HES1: variants seen among roughly 807,000 people sequenced by gnomAD.
The protein encoded by HES1 is hes family bHLH transcription factor 1, also known as transcription factor HES-1.
HES1 carries 7 observed loss-of-function variants against 21.0 expected under a neutral mutation model. The observed-to-expected ratio is 0.33, with a 90% CI of 0.19 to 0.63. The LOEUF (loss-of-function observed/expected upper bound fraction) is 0.63, where lower values mean the gene tolerates loss of function less well. HES1 is among the 20% of genes least tolerant of loss of function. The pLI, the probability that HES1 is intolerant of heterozygous loss-of-function variation, is 0.78. For synonymous variants in HES1, 169 were observed against 171.2 expected (o/e 0.99, Z 0.10); for missense variants, 338 against 389.8 (o/e 0.87, Z 1.12).
rs144918671 is a variant in HES1, at chr3:194,137,858, C to A, written c.468C>A (p.Pro156=). The A allele has an allele frequency of 3.3e-5, 50 of 1,535,206 alleles. No individual in the cohort carries two copies. The highest frequency in any genetic ancestry group is 4.4e-5 in the Non-Finnish European group (50 of 1,138,724). The change falls in exon 4 of 4, where the codon CCC becomes CCA. Residue 156 remains proline, a synonymous_variant. Transcript: ENST00000232424. This position sits in a 1 kb window ranked among gnomAD's most constrained non-coding sequence, Gnocchi z 5.4. The part of the protein sequence containing the change: ...CMTQINAMTY[P]GQPHPALQAP... ...CCCAGATCAATGCCATGACCTACCC[C>A]GGGCAGCCGCACCCCGCCTTGCAGG...
At position 194,138,075 on chromosome 3, in the gene HES1, T is replaced by G. The variant is rs1318098958; in HGVS notation, c.685T>G (p.Phe229Val). 13 of 1,610,414 alleles carry G rather than the reference T, an allele frequency of 8.1e-6. No homozygotes were observed. Among genetic ancestry groups the G allele is most frequent in the Non-Finnish European group, 1.1e-5 (13 of 1,178,820 alleles). Residue 229 changes from phenylalanine (F) to valine (V), a missense_variant, in exon 4 of 4, where the codon TTT becomes GTT. Physicochemically the swap from Phe to Val is conservative, Grantham distance 50. Coordinates refer to ENST00000232424, the MANE Select transcript of HES1 (RefSeq NM_005524.4). ...FQVVPAPDGQFAFLIPNGAFA... is the reference protein window; with the variant it reads ...FQVVPAPDGQVAFLIPNGAFA... The stretch of plus-strand genomic sequence containing the variant: ...GGTGGTACCGGCTCCCGATGGCCAG[T>G]TTGCTTTCCTCATTCCCAACGGGGC...
At position 194,137,159 on chromosome 3, in the gene HES1, C is replaced by T. The variant is rs1576926182; in HGVS notation, c.292+111C>T. On this transcript the variant is annotated intron_variant, in intron 3 of 3. Coordinates refer to ENST00000232424, the MANE Select transcript of HES1 (RefSeq NM_005524.4). This position sits in a 1 kb window ranked among gnomAD's most constrained non-coding sequence, Gnocchi z 5.4. ...GAGGCATTCAGCTACATTTTACTGCCTTGGCTCACTCTTGCGTTCCCACGG... is the reference window on the plus strand; with the variant it reads ...GAGGCATTCAGCTACATTTTACTGCTTTGGCTCACTCTTGCGTTCCCACGG... 7 of 871,812 alleles carry T rather than the reference C, an allele frequency of 8.0e-6. No individual in the cohort carries two copies. The highest frequency in any genetic ancestry group is 3.1e-4 in the Middle Eastern group (1 of 3,182). The allele number at this position is 871,812 out of a possible 1,614,324, so 54.0% of individuals were successfully genotyped here.
At chr3:194,136,862 A>C in intron 2 of HES1, 99 bp from the exon 3 acceptor site, 8 of 1,403,694 alleles carry the variant, frequency 5.7e-6, no homozygotes, top group Non-Finnish European at 8.1e-6. Flanking sequence ...GCTGGGGTCC[A>C]GAGATAATGC....
rs368744295 is a variant in HES1, at chr3:194,137,604, C to G, written c.293-79C>G. The G allele has an allele frequency of 6.3e-6, 9 of 1,423,914 alleles. No homozygotes were observed. The African/African-American group carries it at 1.3e-4, about 20-fold the overall frequency. 88.2% of individuals were successfully genotyped at this position (1,423,914 alleles called of 1,614,324 possible). A position where few individuals can be genotyped will look rare whatever the true frequency, so the allele number is the denominator to read the frequency against. ...GGCGCATGGTCAGGGAGGCGCGCCA[C>G]AGGGACCTCCCAGGGCGGAGGCAGT... On this transcript the variant is annotated intron_variant, in intron 3 of 3. Transcript: ENST00000232424. This position sits in a 1 kb window ranked among gnomAD's most constrained non-coding sequence, Gnocchi z 5.4.
rs1241656241 is a variant in HES1, at chr3:194,137,850, A to G, written c.460A>G (p.Thr154Ala). 4 of 1,568,392 alleles carry G rather than the reference A, an allele frequency of 2.6e-6. No individual in the cohort carries two copies. Among genetic ancestry groups the G allele is most frequent in the Non-Finnish European group, 3.5e-6 (4 of 1,157,110 alleles). Residue 154 changes from threonine (T) to alanine (A), a missense_variant, in exon 4 of 4, where the codon ACC (threonine) becomes GCC (alanine). Thr to Ala is a moderately conservative substitution (Grantham distance 58). Transcript: ENST00000232424. This position sits in a 1 kb window ranked among gnomAD's most constrained non-coding sequence, Gnocchi z 5.4. Reference protein sequence around the residue: ...ANCMTQINAMTYPGQPHPALQ... With the variant: ...ANCMTQINAMAYPGQPHPALQ... ...CTGCATGACCCAGATCAATGCCATG[A>G]CCTACCCCGGGCAGCCGCACCCCGC...
Position 194,136,602 on chromosome 3 carries a change from T to C in HES1, c.109-15T>C, listed in dbSNP as rs1044573708. 6 of 1,599,278 alleles carry C rather than the reference T, an allele frequency of 3.8e-6. No homozygotes were observed. The highest frequency in any genetic ancestry group is 5.1e-6 in the Non-Finnish European group (6 of 1,172,636). The stretch of plus-strand genomic sequence containing the variant: ...AGATTCCATGGGAACACAGAACTCT[T>C]TTTTTTATTTGCAGTCATCAAAGCC... On this transcript the variant is annotated splice_polypyrimidine_tract_variant and intron_variant, in intron 1 of 3. Coordinates refer to ENST00000232424, the MANE Select transcript of HES1 (RefSeq NM_005524.4).
At position 194,137,266 on chromosome 3, in the gene HES1, C is replaced by T. The variant is rs922878340; in HGVS notation, c.292+218C>T. 4.9e-6 allele frequency: 3 copies of T among 610,310 alleles called. No individual in the cohort carries two copies. Among genetic ancestry groups the T allele is most frequent in the Non-Finnish European group, 8.7e-6 (3 of 344,712 alleles). 37.8% of individuals were successfully genotyped at this position (610,310 alleles called of 1,614,324 possible). ...AAAGAGGTTGCAGCCGCGAGGGTGG[C>T]GGGCGCCGGGTAGGGGCGAAAGGAC... is the stretch of plus-strand genomic sequence containing the variant. On this transcript the variant is annotated intron_variant, in intron 3 of 3. Transcript: ENST00000232424. The surrounding 1 kb of genome is among the most constrained non-coding windows in gnomAD (Gnocchi z 5.4).
Position 194,138,354 on chromosome 3 carries a change from GTTTT to G in HES1, c.*125_*128del, listed in dbSNP as rs1246102733. 5.1e-5 allele frequency: 55 copies of G among 1,081,466 alleles called. No individual in the cohort carries two copies. Among genetic ancestry groups the G allele is most frequent in the Non-Finnish European group, 6.2e-5 (50 of 804,050 alleles). 67.0% of individuals were successfully genotyped at this position (1,081,466 alleles called of 1,614,324 possible). ...TTTTTTGATTAAGTGGTTACTTTGT[GTTTT>G]TTTAATTTCTAAGAAGTTACTTTTT... On this transcript the variant is annotated 3_prime_UTR_variant, in exon 4 of 4. Transcript: ENST00000232424.
Position 194,137,960 on chromosome 3 carries a change from CCCCGGGGGCGCGGCGCCCCCT to C in HES1, c.576_596del (p.Ala195_Ala201del), listed in dbSNP as rs748521811. 37 of 1,358,986 alleles carry C rather than the reference CCCCGGGGGCGCGGCGCCCCCT, an allele frequency of 2.7e-5. 1 individual carries two copies. Among genetic ancestry groups the C allele is most frequent in the Non-Finnish European group, 3.0e-5 (32 of 1,051,986 alleles). 84.2% of individuals were successfully genotyped at this position (1,358,986 alleles called of 1,614,324 possible). A position where few individuals can be genotyped will look rare whatever the true frequency, so the allele number is the denominator to read the frequency against. ...CGCCGCCGCCGCCACTCGTGCCCAT[CCCCGGGGGCGCGGCGCCCCCT>C]CCCGGCGGCGCCCCCTGCAAGCTGG... On this transcript the variant is annotated inframe_deletion, in exon 4 of 4. Coordinates refer to ENST00000232424, the MANE Select transcript of HES1 (RefSeq NM_005524.4). The surrounding 1 kb of genome is among the most constrained non-coding windows in gnomAD (Gnocchi z 5.4).
In HES1 at chr3:194,137,591, G is replaced by A; in HGVS notation, c.293-92G>A. 1 of 1,368,920 alleles carries A rather than the reference G, an allele frequency of 7.3e-7. No individual in the cohort carries two copies. The highest frequency in any genetic ancestry group is 9.7e-7 in the Non-Finnish European group (1 of 1,027,714). 84.8% of individuals were successfully genotyped at this position (1,368,920 alleles called of 1,614,324 possible). ...AGGCAGTTTCACGGGCGCATGGTCA[G>A]GGAGGCGCGCCACAGGGACCTCCCA... On this transcript the variant is annotated intron_variant, in intron 3 of 3. Transcript: ENST00000232424. This position sits in a 1 kb window ranked among gnomAD's most constrained non-coding sequence, Gnocchi z 5.4.
chr3:194,136,841 C>G, intron 2 of HES1, 120 bp from the exon 3 acceptor site: 1 of 1,374,226 alleles, frequency 7.3e-7, no homozygotes, highest in South Asian at 1.2e-5. Context: ...CGGGAGGGCC[C>G]GGCCTTATTC....
rs911297377 is a variant in HES1 at position 194,137,763 on chromosome 3, C to T, written c.373C>T (p.Leu125=). The change falls in exon 4 of 4, where the codon CTG becomes TTG. Residue 125 remains leucine, a synonymous_variant. Transcript: ENST00000232424. The surrounding 1 kb of genome is among the most constrained non-coding windows in gnomAD (Gnocchi z 5.4). ...GTGCATGAACGAGGTGACCCGCTTC[C>T]TGTCCACGTGCGAGGGCGTTAATAC... ...SECMNEVTRF[L]STCEGVNTEV... 6.2e-7 allele frequency: 1 copy of T among 1,613,912 alleles called. No homozygotes were observed. Among genetic ancestry groups the T allele is most frequent in the Non-Finnish European group, 8.5e-7 (1 of 1,179,948 alleles).
Position 194,138,693 on chromosome 3 carries a change from T to C in HES1, c.*460T>C, listed in dbSNP as rs534697548. 2 of 152,978 alleles carry C rather than the reference T, an allele frequency of 1.3e-5. No individual in the cohort carries two copies. Among genetic ancestry groups the C allele is most frequent in the South Asian group, 4.1e-4 (2 of 4,838 alleles). 9.5% of individuals were successfully genotyped at this position (152,978 alleles called of 1,614,324 possible). A position where few individuals can be genotyped will look rare whatever the true frequency, so the allele number is the denominator to read the frequency against. On this transcript the variant is annotated 3_prime_UTR_variant, in exon 4 of 4. Coordinates refer to ENST00000232424, the MANE Select transcript of HES1 (RefSeq NM_005524.4). ...TTACATGTAATTGGTAATTCAGGAA[T>C]TGACTCTTTTGTTATTAAAAGAACA... is the stretch of plus-strand genomic sequence containing the variant.
At position 194,137,395 on chromosome 3, in the gene HES1, G is replaced by A; in HGVS notation, c.293-288G>A. ...ATGAGGCTTGGATGATGGATTGGGA[G>A]GCATTGTCCAAGGTCACATCGCGCG... On this transcript the variant is annotated intron_variant, in intron 3 of 3. Transcript: ENST00000232424. The surrounding 1 kb of genome is among the most constrained non-coding windows in gnomAD (Gnocchi z 5.4). The A allele has an allele frequency of 1.7e-6, 1 of 571,566 alleles. No homozygotes were observed. The highest frequency in any genetic ancestry group is 3.1e-6 in the Non-Finnish European group (1 of 320,678). The allele number at this position is 571,566 out of a possible 1,614,324, so 35.4% of individuals were successfully genotyped here. A position where few individuals can be genotyped will look rare whatever the true frequency, so the allele number is the denominator to read the frequency against.
In HES1 at chr3:194,136,952, T is replaced by C. The variant is rs749484323; in HGVS notation, c.205-9T>C. ...GGGCTCACTTTCCTTTCTTGCCTAC[T>C]CTATGCAGAGCTCGCGGCATTCCAA... On this transcript the variant is annotated splice_polypyrimidine_tract_variant and intron_variant, in intron 2 of 3. Coordinates refer to ENST00000232424, the MANE Select transcript of HES1 (RefSeq NM_005524.4). 9.3e-6 allele frequency: 15 copies of C among 1,613,756 alleles called. No individual in the cohort carries two copies. The highest frequency in any genetic ancestry group is 2.2e-5 in the South Asian group (2 of 91,086).
chr3:194,138,335 G>T lies in HES1; in HGVS notation c.*102G>T. On this transcript the variant is annotated 3_prime_UTR_variant, in exon 4 of 4. Transcript: ENST00000232424. ...TACTGGGAGAGAAGAGGACTTTTTT[G>T]ATTAAGTGGTTACTTTGTGTTTTTT... 1.7e-6 allele frequency: 2 copies of T among 1,208,062 alleles called. No homozygotes were observed. Among genetic ancestry groups the T allele is most frequent in the South Asian group, 1.9e-5 (1 of 52,488 alleles). 74.8% of individuals were successfully genotyped at this position (1,208,062 alleles called of 1,614,324 possible).
rs1430390153 is a variant in HES1, at chr3:194,137,310, G to C, written c.292+262G>C. On this transcript the variant is annotated intron_variant, in intron 3 of 3. Transcript: ENST00000232424. The surrounding 1 kb of genome is among the most constrained non-coding windows in gnomAD (Gnocchi z 5.4). The stretch of plus-strand genomic sequence containing the variant: ...AAAGGACTTAGGACTGTGGCGGTTT[G>C]GAACTGCGTGGAGCCTGGGGGTCAC... 2.2e-5 allele frequency: 13 copies of C among 587,960 alleles called. No individual in the cohort carries two copies. In the East Asian group the frequency reaches 3.4e-4, roughly 15 times the overall value. 36.4% of individuals were successfully genotyped at this position (587,960 alleles called of 1,614,324 possible). A position where few individuals can be genotyped will look rare whatever the true frequency, so the allele number is the denominator to read the frequency against.
Position 194,137,612 on chromosome 3 carries a change from T to A in HES1, c.293-71T>A. ...GTCAGGGAGGCGCGCCACAGGGACCTCCCAGGGCGGAGGCAGTGGCCACGG... is the reference window on the plus strand; with the variant it reads ...GTCAGGGAGGCGCGCCACAGGGACCACCCAGGGCGGAGGCAGTGGCCACGG... On this transcript the variant is annotated intron_variant, in intron 3 of 3. Coordinates refer to ENST00000232424, the MANE Select transcript of HES1 (RefSeq NM_005524.4). This position sits in a 1 kb window ranked among gnomAD's most constrained non-coding sequence, Gnocchi z 5.4. 7.6e-6 allele frequency: 11 copies of A among 1,456,384 alleles called. No homozygotes were observed. Among genetic ancestry groups the A allele is most frequent in the Non-Finnish European group, 1.0e-5 (11 of 1,090,958 alleles). 90.2% of individuals were successfully genotyped at this position (1,456,384 alleles called of 1,614,324 possible).
Position 194,137,259 on chromosome 3 carries a change from A to G in HES1, c.292+211A>G, listed in dbSNP as rs1715367523. 1.6e-6 allele frequency: 1 copy of G among 616,406 alleles called. No homozygotes were observed. The highest frequency in any genetic ancestry group is 1.8e-5 in the African/African-American group (1 of 54,138). 38.2% of individuals were successfully genotyped at this position (616,406 alleles called of 1,614,324 possible). A position where few individuals can be genotyped will look rare whatever the true frequency, so the allele number is the denominator to read the frequency against. On this transcript the variant is annotated intron_variant, in intron 3 of 3. Transcript: ENST00000232424. This position sits in a 1 kb window ranked among gnomAD's most constrained non-coding sequence, Gnocchi z 5.4. ...GGGAGGGAAAGAGGTTGCAGCCGCG[A>G]GGGTGGCGGGCGCCGGGTAGGGGCG... is the stretch of plus-strand genomic sequence containing the variant.
Sources: allele counts gnomAD v4.1 joint callset, GRCh38; gene constraint gnomAD v4.1.1; non-coding constraint Gnocchi (gnomAD v3.1); transcripts MANE v1.5; gene names NCBI Gene and HGNC (gene_info 2026-07-23, HGNC 2026-07-21).